The following CRYBG1 variants were observed in gnomAD, a reference collection of about 807,000 sequenced individuals.
CRYBG1 encodes crystallin beta-gamma domain containing 1, also known as beta/gamma crystallin domain-containing protein 1.
In CRYBG1, 139 loss-of-function variants were observed where a neutral mutation model predicts 189.2. That is an observed-to-expected ratio of 0.73 (90% confidence interval 0.64 to 0.85). The LOEUF is 0.85. Ranked by LOEUF, CRYBG1 falls within the 40% of genes least tolerant of loss-of-function variation. CRYBG1 has a pLI of 0.00. For missense variants in CRYBG1, 2,611 were observed against 2,675.8 expected, an observed-to-expected ratio of 0.98 and a Z score of 0.53; for synonymous variants, 1,023 against 1,017.1, an observed-to-expected ratio of 1.01 and a Z score of -0.11.
At position 106,512,468 on chromosome 6, in the gene CRYBG1, G is replaced by T. The variant is rs763541838; in HGVS notation, c.1351G>T (p.Glu451Ter). The change falls in exon 3 of 22, where the codon GAG becomes TAG. Residue 451 changes from glutamate to a stop codon, truncating the protein, a stop_gained. Transcript: ENST00000633556. LOFTEE classifies it high-confidence loss of function. The stretch of plus-strand genomic sequence containing the variant: ...CAGGGACGACGCGGTGTTCGACGAC[G>T]AGGTGGCGCCAAACGCGGCCAGCGA... ...AARDDAVFDD[E>*]VAPNAASDNA... 6.2e-7 allele frequency: 1 copy of T among 1,611,246 alleles called. No individual in the cohort carries two copies. Among genetic ancestry groups the T allele is most frequent in the Non-Finnish European group, 8.5e-7 (1 of 1,179,118 alleles).
At chr6:106,489,383 A>G (rs1772664916) in intron 2 of CRYBG1, among the ~76,000 whole-genome samples, 1 of 152,162 alleles carries the variant, frequency 6.6e-6, no homozygotes, top group African/African-American at 2.4e-5. Context: ...CAAGGTCTTG[A>G]TAAAATGTTG....
chr6:106,376,012 G>C (rs1315717860), intron 1 of CRYBG1, among the ~76,000 whole-genome samples: 2 of 152,072 alleles, frequency 1.3e-5, no homozygotes, highest in African/African-American at 4.8e-5. Context: ...CTCTCTCTCT[G>C]TCAAAATATC....
intron 1 of CRYBG1, among the ~76,000 whole-genome samples, chr6:106,424,347 G>A (rs1291067981): frequency 6.6e-6 from 1 of 152,058 alleles, no homozygotes; most frequent in Non-Finnish European, 1.5e-5. Context: ...AAAACCTAAT[G>A]ATTACACAAG....
chr6:106,482,501 C>T (rs1159042615), intron 2 of CRYBG1, among the ~76,000 whole-genome samples: 1 of 152,136 alleles, frequency 6.6e-6, no homozygotes, highest in South Asian at 2.1e-4. Flanking sequence ...TCTGGCCAGG[C>T]ATGGTGGCTC....
chr6:106,483,468 T>A (rs1303621978), intron 2 of CRYBG1, among the ~76,000 whole-genome samples: 1 of 151,270 alleles, frequency 6.6e-6, no homozygotes, highest in Non-Finnish European at 1.5e-5. Context: ...TTGGCTGTTG[T>A]GAATAGTGCT....
chr6:106,409,402 G>A (rs1045356805), intron 1 of CRYBG1, among the ~76,000 whole-genome samples: 7 of 152,132 alleles, frequency 4.6e-5, no homozygotes, highest in Non-Finnish European at 7.4e-5. Flanking sequence ...AACATTCCAC[G>A]CTCATGGATA....
chr6:106,483,072 A>G (rs1327623928), intron 2 of CRYBG1, among the ~76,000 whole-genome samples: 1 of 152,144 alleles, frequency 6.6e-6, no homozygotes, highest in Admixed American at 6.5e-5. Flanking sequence ...GATGTTATAG[A>G]AAATCAGAAC....
chr6:106,479,850 C>T (rs968979880), intron 2 of CRYBG1, among the ~76,000 whole-genome samples: 2 of 152,100 alleles, frequency 1.3e-5, no homozygotes, highest in African/African-American at 2.4e-5. Flanking sequence ...ATATTTTCCT[C>T]CATTCTGTGG....
chr6:106,394,856 A>AG, intron 1 of CRYBG1, among the ~76,000 whole-genome samples: 1 of 119,452 alleles, frequency 8.4e-6, no homozygotes, highest in East Asian at 3.0e-4. Context: ...TGCACACAGC[A>AG]GAATTTTTTT....
At chr6:106,456,098 C>G (rs1771882655) in intron 2 of CRYBG1, among the ~76,000 whole-genome samples, 1 of 152,210 alleles carries the variant, frequency 6.6e-6, no homozygotes. Flanking sequence ...AAAGAAGTAT[C>G]TGCTTTATTC....
At chr6:106,364,877 T>C (rs1471662008) in intron 1 of CRYBG1, among the ~76,000 whole-genome samples, 1 of 152,240 alleles carries the variant, frequency 6.6e-6, no homozygotes, top group African/African-American at 2.4e-5. Flanking sequence ...ATTCACAAAA[T>C]GGGAATCATA....
chr6:106,391,302 G>T (rs778890963), intron 1 of CRYBG1, among the ~76,000 whole-genome samples: 7 of 152,158 alleles, frequency 4.6e-5, no homozygotes, highest in Non-Finnish European at 2.9e-5. Flanking sequence ...GGATGGTCTT[G>T]ATCTCCTGAC....
intron 1 of CRYBG1, among the ~76,000 whole-genome samples, chr6:106,381,880 G>C (rs937653789): frequency 6.6e-6 from 1 of 152,244 alleles, no homozygotes; most frequent in Non-Finnish European, 1.5e-5. Context: ...GATATGGACA[G>C]GGCATGGACA....
rs13213782 is a variant in CRYBG1 at position 106,512,791 on chromosome 6, G to T, written c.1674G>T (p.Glu558Asp). 2 of 1,579,166 alleles carry T rather than the reference G, an allele frequency of 1.3e-6. No homozygotes were observed. The highest frequency in any genetic ancestry group is 2.3e-5 in the South Asian group (2 of 87,212). ...PSPVTKGTAAESGEEAARAIP... is the reference protein window; with the variant it reads ...PSPVTKGTAADSGEEAARAIP... ...CAGTCACCAAGGGCACTGCGGCCGAGAGCGGGGAGGAGGCGGCGCGGGCCA... is the reference window on the plus strand; with the variant it reads ...CAGTCACCAAGGGCACTGCGGCCGATAGCGGGGAGGAGGCGGCGCGGGCCA... The change falls in exon 3 of 22, where the codon GAG (glutamate) becomes GAT (aspartate). Residue 558 changes from glutamate to aspartate, a missense_variant. Coordinates refer to ENST00000633556, the MANE Select transcript of CRYBG1 (RefSeq NM_001371242.2).
At chr6:106,554,405 G>A (rs1435269982) in intron 16 of CRYBG1, among the ~76,000 whole-genome samples, 1 of 152,188 alleles carries the variant, frequency 6.6e-6, no homozygotes, top group Non-Finnish European at 1.5e-5. Context: ...CTTGAGGTCA[G>A]GAGATCGAGA....
chr6:106,528,531 C>A (rs1237727491), intron 7 of CRYBG1, among the ~76,000 whole-genome samples: 1 of 152,046 alleles, frequency 6.6e-6, no homozygotes, highest in Non-Finnish European at 1.5e-5. Context: ...GCTGTTCCAC[C>A]CTTCTCACCT....
intron 2 of CRYBG1, among the ~76,000 whole-genome samples, chr6:106,475,207 C>T (rs1413853718): frequency 6.6e-6 from 1 of 152,072 alleles, no homozygotes; most frequent in Non-Finnish European, 1.5e-5. Context: ...AGAGGGATAA[C>T]TAAATAATCA....
At chr6:106,452,331 G>A (rs574625415) in intron 2 of CRYBG1, among the ~76,000 whole-genome samples, 41 of 150,932 alleles carry the variant, frequency 2.7e-4, no homozygotes, top group Non-Finnish European at 4.6e-4. Context: ...GCTGAGGCAG[G>A]AGAATCGCTT....
chr6:106,451,641 AT>A, intron 1 of CRYBG1, 52 bp from the exon 2 acceptor site: 1 of 1,424,764 alleles, frequency 7.0e-7, no homozygotes, highest in Non-Finnish European at 9.2e-7. Context: ...GTTTCTTGAG[AT>A]TTTGGCATTG....
Sources: allele counts gnomAD v4.1 joint callset (sites outside exome capture counted in the v4.1 genomes callset), GRCh38; gene constraint gnomAD v4.1.1; transcripts MANE v1.5; gene names NCBI Gene and HGNC (gene_info 2026-07-23, HGNC 2026-07-21).